The following ARHGEF12 variants were observed in gnomAD, a reference collection of about 807,000 sequenced individuals.
ARHGEF12 encodes KMT2A/ARHGEF12 fusion protein.
In ARHGEF12, 66 loss-of-function variants were observed where a neutral mutation model predicts 211.2. The ratio of observed to expected loss-of-function variants is 0.31; its 90% CI spans 0.26 to 0.38. ARHGEF12 has a LOEUF of 0.38. Among genes scored for constraint, ARHGEF12 ranks in the 10% least tolerant of loss-of-function variants. The pLI is 1.00. For missense variants in ARHGEF12, 1,429 were observed against 1,869.5 expected (o/e 0.76, Z 4.34); for synonymous variants, 592 against 638.4 (o/e 0.93, Z 1.09).
chr11:120,485,298 T>C lies in ARHGEF12; in HGVS notation c.*221T>C. ...TGTGAGGGAATATCCATTCCCTCAC[T>C]CTACTCTCCTCACTATCGGAAATTC... On this transcript the variant is annotated 3_prime_UTR_variant, in exon 41 of 41. Coordinates refer to ENST00000397843, the MANE Select transcript of ARHGEF12 (RefSeq NM_015313.3). 1 of 479,508 alleles carries C rather than the reference T, an allele frequency of 2.1e-6. No homozygotes were observed. The highest frequency in any genetic ancestry group is 3.7e-6 in the Non-Finnish European group (1 of 267,338). The allele number at this position is 479,508 out of a possible 1,614,324, so 29.7% of individuals were successfully genotyped here. A position where few individuals can be genotyped will look rare whatever the true frequency, so the allele number is the denominator to read the frequency against.
chr11:120,475,214 A>G (rs935027045), intron 32 of ARHGEF12, 126 bp from the exon 33 acceptor site: 3 of 816,040 alleles, frequency 3.7e-6, no homozygotes, highest in African/African-American at 3.5e-5. Flanking sequence ...AAGATAATAT[A>G]CAAGTCAATT....
chr11:120,409,186 G>T, intron 3 of ARHGEF12: 7 of 514,922 alleles, frequency 1.4e-5, no homozygotes, highest in East Asian at 3.1e-5. Context: ...TATTTTTATT[G>T]CACTGTCTTT....
intron 30 of ARHGEF12, among the ~76,000 whole-genome samples, chr11:120,471,169 A>C (rs1946853198): frequency 6.6e-6 from 1 of 152,236 alleles, no homozygotes; most frequent in African/African-American, 2.4e-5. Flanking sequence ...CAGAATGCTT[A>C]TAGCAACTTT....
At chr11:120,484,006 C>T (rs1442269151) in intron 39 of ARHGEF12, among the ~76,000 whole-genome samples, 11 of 152,200 alleles carry the variant, frequency 7.2e-5, no homozygotes, top group Non-Finnish European at 1.2e-4. Context: ...CCACCTGCCT[C>T]GGCCTCCCAA....
chr11:120,486,713 A>G lies in ARHGEF12; in HGVS notation c.*1636A>G. 1 of 213,794 alleles carries G rather than the reference A, an allele frequency of 4.7e-6. No individual in the cohort carries two copies. Among genetic ancestry groups the G allele is most frequent in the Non-Finnish European group, 9.2e-6 (1 of 108,202 alleles). 13.2% of individuals were successfully genotyped at this position (213,794 alleles called of 1,614,324 possible). A position where few individuals can be genotyped will look rare whatever the true frequency, so the allele number is the denominator to read the frequency against. On this transcript the variant is annotated 3_prime_UTR_variant, in exon 41 of 41. Coordinates refer to ENST00000397843, the MANE Select transcript of ARHGEF12 (RefSeq NM_015313.3). ...TTTAATGCTTCCCTGCAGTCCAAAG[A>G]TGATTTTTTCACCACAAATGGTAAG...
At chr11:120,476,924 G>T in intron 34 of ARHGEF12, 176 bp downstream of exon 34, 1 of 595,392 alleles carries the variant, frequency 1.7e-6, no homozygotes, top group Non-Finnish European at 2.9e-6. Flanking sequence ...CTTTTATTTT[G>T]ATTCTATTCT....
At chr11:120,394,919 T>C (rs369937814) in intron 1 of ARHGEF12, among the ~76,000 whole-genome samples, 6 of 151,504 alleles carry the variant, frequency 4.0e-5, no homozygotes, top group African/African-American at 1.2e-4. Flanking sequence ...TCAGCCGGCA[T>C]TGTGGCGCGA....
intron 1 of ARHGEF12, among the ~76,000 whole-genome samples, chr11:120,374,830 A>G (rs185894377): frequency 1.2e-4 from 18 of 152,342 alleles, no homozygotes; most frequent in Non-Finnish European, 2.5e-4. Context: ...AGTCATACAT[A>G]TTAATGATTC....
chr11:120,422,597 A>G (rs901249900), intron 6 of ARHGEF12, among the ~76,000 whole-genome samples: 8 of 152,364 alleles, frequency 5.3e-5, no homozygotes, highest in East Asian at 1.9e-4. Context: ...AAGATGTATC[A>G]TTATGTATAT....
At chr11:120,451,335 C>A in intron 21 of ARHGEF12, 177 bp from the exon 22 acceptor site, 3 of 534,930 alleles carry the variant, frequency 5.6e-6, no homozygotes, top group Non-Finnish European at 6.6e-6. Flanking sequence ...TGTGCCACCA[C>A]GCCCAGCTAA....
At chr11:120,419,074 C>A (rs2135657628) in intron 4 of ARHGEF12, among the ~76,000 whole-genome samples, 1 of 151,974 alleles carries the variant, frequency 6.6e-6, no homozygotes, top group Non-Finnish European at 1.5e-5. Context: ...ATTCTTCTGC[C>A]TCAGCCTCCC....
chr11:120,399,270 A>C (rs746122095), intron 1 of ARHGEF12, among the ~76,000 whole-genome samples: 2 of 126,950 alleles, frequency 1.6e-5, no homozygotes, highest in Non-Finnish European at 3.2e-5. Flanking sequence ...ACAGTGACCT[A>C]TGATTGTGCC....
chr11:120,440,241 T>A lies in ARHGEF12; in HGVS notation c.1092+20T>A. ...GAACAGGTGATGACTTTTTTCTTTC[T>A]AAAAAATAGATTGTTACTTTCTGCA... On this transcript the variant is annotated intron_variant, in intron 13 of 40. Coordinates refer to ENST00000397843, the MANE Select transcript of ARHGEF12 (RefSeq NM_015313.3). The A allele has an allele frequency of 6.4e-7, 1 of 1,572,200 alleles. No homozygotes were observed. Among genetic ancestry groups the A allele is most frequent in the Non-Finnish European group, 8.7e-7 (1 of 1,148,504 alleles).
intron 27 of ARHGEF12, chr11:120,464,228 A>T (rs1055869775): frequency 6.6e-6 from 1 of 152,126 alleles, no homozygotes; most frequent in Non-Finnish European, 1.5e-5. Context: ...TATGCCAAGG[A>T]TTTGCTTCCC....
intron 1 of ARHGEF12, among the ~76,000 whole-genome samples, chr11:120,339,005 CTTTTTTTT>C (rs906260027): frequency 5.5e-4 from 67 of 121,996 alleles, no homozygotes; most frequent in East Asian, 9.3e-4. Context: ...TTTTCTTTTT[CTTTTTTTT>C]TTTTTTTTTT....
At chr11:120,348,811 A>G (rs1022393572) in intron 1 of ARHGEF12, among the ~76,000 whole-genome samples, 2 of 152,230 alleles carry the variant, frequency 1.3e-5, no homozygotes, top group African/African-American at 2.4e-5. Flanking sequence ...ACTGCACTCC[A>G]GCCTGGAAAA....
rs1942373432 is a variant in ARHGEF12, at chr11:120,337,129, G to C, written c.-115G>C. Reference sequence around the variant, plus strand: ...AGATGACTGAATGGAGTTTTGAGTTGGACTTTTGTGTCCCTGACGGAGTTG... The same window carrying C: ...AGATGACTGAATGGAGTTTTGAGTTCGACTTTTGTGTCCCTGACGGAGTTG... On this transcript the variant is annotated 5_prime_UTR_variant, in exon 1 of 41. Coordinates refer to ENST00000397843, the MANE Select transcript of ARHGEF12 (RefSeq NM_015313.3). The C allele has an allele frequency of 3.1e-6, 4 of 1,286,576 alleles. No homozygotes were observed. The highest frequency in any genetic ancestry group is 3.7e-4 in the Middle Eastern group (2 of 5,390). 79.7% of individuals were successfully genotyped at this position (1,286,576 alleles called of 1,614,324 possible).
intron 1 of ARHGEF12, among the ~76,000 whole-genome samples, chr11:120,367,374 TTTTTTTTTTG>T: frequency 7.7e-6 from 1 of 129,460 alleles, no homozygotes; most frequent in African/African-American, 3.0e-5. Flanking sequence ...TTTTTTTTTT[TTTTTTTTTTG>T]AGGTGGAGTC....
chr11:120,442,212 C>G lies in ARHGEF12; in HGVS notation c.1302+10C>G, dbSNP rs1370137230. ...TCTAGATCGATCAGCAGTAAGTTGCCAAGTTAATGTTGTAATCTTTGCCTT... is the reference window on the plus strand; with the variant it reads ...TCTAGATCGATCAGCAGTAAGTTGCGAAGTTAATGTTGTAATCTTTGCCTT... On this transcript the variant is annotated intron_variant, in intron 15 of 40. Coordinates refer to ENST00000397843, the MANE Select transcript of ARHGEF12 (RefSeq NM_015313.3). 6.3e-7 allele frequency: 1 copy of G among 1,583,938 alleles called. No homozygotes were observed. Among genetic ancestry groups the G allele is most frequent in the Non-Finnish European group, 8.6e-7 (1 of 1,160,406 alleles).
Sources: gnomAD v4.1 joint callset for allele counts (sites outside exome capture counted in the v4.1 genomes callset) on GRCh38, gnomAD v4.1.1 for gene constraint, MANE v1.5 for transcripts, NCBI Gene and HGNC (gene_info 2026-07-23, HGNC 2026-07-21) for gene names.